DOCK2: variants seen among roughly 807,000 people sequenced by gnomAD.
DOCK2 encodes the protein dedicator of cytokinesis 2, also known as dedicator of cytokinesis protein 2.
Under a neutral mutation model 248.9 loss-of-function variants are expected in DOCK2, and 87 were observed. The observed-to-expected ratio is 0.35, with a 90% CI of 0.29 to 0.42. The LOEUF (loss-of-function observed/expected upper bound fraction) is 0.42. DOCK2 is among the 10% of genes least tolerant of loss of function. The probability of loss-of-function intolerance (pLI) is 1.00; values close to 1 mark genes in which losing one functional copy is unlikely to be tolerated. For synonymous variants in DOCK2, 805 were observed against 821.6 expected (o/e 0.98, Z 0.35); for missense variants, 1,747 against 2,300.2 (o/e 0.76, Z 4.92).
At chr5:169,799,427 T>C (rs1381777462) in intron 25 of DOCK2, among the ~76,000 whole-genome samples, 1 of 152,174 alleles carries the variant, frequency 6.6e-6, no homozygotes, top group Non-Finnish European at 1.5e-5. Context: ...CATTTACCAC[T>C]TCAGATGAAC....
In DOCK2 at chr5:169,827,388, A is replaced by G. The variant is rs116296148; in HGVS notation, c.2704-13369A>G. On this transcript the variant is annotated intron_variant, in intron 26 of 51. Transcript: ENST00000520908. Reference sequence around the variant, plus strand: ...AGATGACTGCTTCTAGATGCTGCATACTTATCTGAAAGAAAACCTTAATGT... The same window carrying G: ...AGATGACTGCTTCTAGATGCTGCATGCTTATCTGAAAGAAAACCTTAATGT... Among the ~76,000 whole-genome samples the G allele has an allele frequency of 8.3e-3, 1,262 of 152,314 alleles. 7 individuals carry two copies. The highest frequency in any genetic ancestry group is 0.017 in the Middle Eastern group (5 of 294).
intron 44 of DOCK2, among the ~76,000 whole-genome samples, chr5:170,061,594 T>C (rs1757329840): frequency 6.6e-6 from 1 of 152,244 alleles, no homozygotes; most frequent in Non-Finnish European, 1.5e-5. Flanking sequence ...TGTAATGACC[T>C]GAAAGTTACA....
chr5:169,703,481 G>T (rs186286887), intron 14 of DOCK2, among the ~76,000 whole-genome samples: 1 of 152,282 alleles, frequency 6.6e-6, no homozygotes, highest in Admixed American at 6.5e-5. Flanking sequence ...GGGTTTGACT[G>T]GTTCCAGGCC....
chr5:169,687,781 T>A (rs1025657632), intron 8 of DOCK2, among the ~76,000 whole-genome samples: 2 of 152,146 alleles, frequency 1.3e-5, no homozygotes, highest in African/African-American at 4.8e-5. Flanking sequence ...GTTAGAACCA[T>A]ATAGCTGGTC....
At chr5:169,746,890 G>T (rs925816300) in intron 22 of DOCK2, among the ~76,000 whole-genome samples, 1 of 151,942 alleles carries the variant, frequency 6.6e-6, no homozygotes, top group East Asian at 1.9e-4. Context: ...AGAAACAAAG[G>T]CTTAAGGTAA....
At chr5:169,898,801 T>G (rs1773759705) in intron 27 of DOCK2, among the ~76,000 whole-genome samples, 1 of 152,168 alleles carries the variant, frequency 6.6e-6, no homozygotes, top group South Asian at 2.1e-4. Context: ...CCAATTAAAC[T>G]GAATTTACCC....
At chr5:170,047,054 G>A (rs1045949807) in intron 39 of DOCK2, among the ~76,000 whole-genome samples, 7 of 152,172 alleles carry the variant, frequency 4.6e-5, no homozygotes, top group South Asian at 2.1e-4. Context: ...TAGAATAGAT[G>A]AAATGTCTTA....
chr5:169,998,767 G>C (rs1304348967), intron 30 of DOCK2, among the ~76,000 whole-genome samples: 1 of 152,210 alleles, frequency 6.6e-6, no homozygotes, highest in Non-Finnish European at 1.5e-5. Context: ...CTTGCAGTGG[G>C]TTGACTGCCT....
chr5:169,873,716 G>A (rs138537466), intron 27 of DOCK2, among the ~76,000 whole-genome samples: 85 of 152,300 alleles, frequency 5.6e-4, no homozygotes, highest in Middle Eastern at 3.4e-3. Flanking sequence ...CTAGAGAAAT[G>A]CCTTTTTCTC....
intron 27 of DOCK2, among the ~76,000 whole-genome samples, chr5:169,973,129 T>C (rs1777588084): frequency 6.6e-6 from 1 of 152,202 alleles, no homozygotes; most frequent in African/African-American, 2.4e-5. Context: ...CACAAAGTAA[T>C]CTTCCCTCCT....
At position 169,946,940 on chromosome 5, in the gene DOCK2, G is replaced by A. The variant is rs574909173; in HGVS notation, c.2800-36128G>A. Reference sequence around the variant, plus strand: ...GGGAAGAGCGTGGGCAAGGCCCTGAGTCAGGATGGAGTTTTGCCATATGGG... The same window carrying A: ...GGGAAGAGCGTGGGCAAGGCCCTGAATCAGGATGGAGTTTTGCCATATGGG... On this transcript the variant is annotated intron_variant, in intron 27 of 51. Transcript: ENST00000520908. 1.5e-4 allele frequency among the ~76,000 whole-genome samples: 23 copies of A among 152,326 alleles called. No individual in the cohort carries two copies. The South Asian group carries it at 4.8e-3, about 32-fold the overall frequency.
At chr5:169,930,668 T>C (rs1775710060) in intron 27 of DOCK2, among the ~76,000 whole-genome samples, 1 of 152,220 alleles carries the variant, frequency 6.6e-6, no homozygotes, top group South Asian at 2.1e-4. Flanking sequence ...AATTAAGTTT[T>C]GTAATTTTAC....
rs5873195 is a variant in DOCK2 at position 169,844,736 on chromosome 5, C to CTTT, written c.2799+3894_2799+3896dup. Among the ~76,000 whole-genome samples, 192 of 146,246 alleles carry CTTT rather than the reference C, an allele frequency of 1.3e-3. 2 individuals are homozygous for CTTT. The highest frequency in any genetic ancestry group is 3.6e-3 in the East Asian group (18 of 4,984). ...GATCACATTTTCATGTGCTCTGCCT[C>CTTT]TTTTTTTTTTTTGAGTCATTTTTAT... On this transcript the variant is annotated intron_variant, in intron 27 of 51. Coordinates refer to ENST00000520908, the MANE Select transcript of DOCK2 (RefSeq NM_004946.3).
chr5:169,919,098 T>C (rs1347429572), intron 27 of DOCK2, among the ~76,000 whole-genome samples: 1 of 152,348 alleles, frequency 6.6e-6, no homozygotes, highest in East Asian at 1.9e-4. Context: ...AAGGACACTA[T>C]GATCTTTGAT....
intron 27 of DOCK2, among the ~76,000 whole-genome samples, chr5:169,877,012 C>T (rs556228286): frequency 1.3e-5 from 2 of 152,204 alleles, no homozygotes; most frequent in African/African-American, 4.8e-5. Flanking sequence ...AGTGACCTAG[C>T]AGATGAGGGC....
chr5:170,014,382 A>G (rs1158777591), intron 32 of DOCK2, among the ~76,000 whole-genome samples: 1 of 152,172 alleles, frequency 6.6e-6, no homozygotes, highest in Non-Finnish European at 1.5e-5. Flanking sequence ...CAAAAATTAA[A>G]AGAATAAAGT....
rs948558775 is a variant in DOCK2 at position 169,686,917 on chromosome 5, A to G, written c.762-2335A>G. On this transcript the variant is annotated intron_variant, in intron 8 of 51. Transcript: ENST00000520908. ...AAAAATTGTGTGATGAGGAGTTGGA[A>G]TAGTACTCCTCGTTCCTCTGAGTAG... 3.3e-5 allele frequency among the ~76,000 whole-genome samples: 5 copies of G among 152,242 alleles called. No homozygotes were observed. In the East Asian group the frequency reaches 9.6e-4, roughly 29 times the overall value.
At chr5:169,737,793 T>C (rs1763116008) in intron 22 of DOCK2, among the ~76,000 whole-genome samples, 1 of 152,226 alleles carries the variant, frequency 6.6e-6, no homozygotes, top group Non-Finnish European at 1.5e-5. Context: ...AAGCTCCGCA[T>C]ACCTTCCTCC....
At chr5:169,919,803 A>G (rs1241440668) in intron 27 of DOCK2, among the ~76,000 whole-genome samples, 1 of 152,210 alleles carries the variant, frequency 6.6e-6, no homozygotes, top group Non-Finnish European at 1.5e-5. Flanking sequence ...GAGTATTTGC[A>G]TATTAATAGA....
Sources: gnomAD v4.1 joint callset for allele counts (sites outside exome capture counted in the v4.1 genomes callset) on GRCh38, gnomAD v4.1.1 for gene constraint, MANE v1.5 for transcripts, NCBI Gene and HGNC (gene_info 2026-07-23, HGNC 2026-07-21) for gene names.